IL1RAPL2: variants seen among roughly 807,000 people sequenced by gnomAD.
IL1RAPL2 encodes interleukin 1 receptor accessory protein like 2, also known as X-linked interleukin-1 receptor accessory protein-like 2.
In IL1RAPL2, 3 loss-of-function variants were observed where a neutral mutation model predicts 44.1. That is an observed-to-expected ratio of 0.07 (90% CI 0.03 to 0.18). IL1RAPL2 has a LOEUF of 0.18. Ranked by LOEUF, IL1RAPL2 falls within the 10% of genes least tolerant of loss-of-function variation. The pLI, the probability that IL1RAPL2 is intolerant of heterozygous loss-of-function variation, is 1.00. For synonymous variants in IL1RAPL2, 181 were observed against 178.8 expected (o/e 1.01, Z -0.10); for missense variants, 391 against 496.4 (o/e 0.79, Z 2.02).
At chrX:104,596,788 GGA>G (rs1236678173) in intron 1 of IL1RAPL2, among the ~76,000 whole-genome samples, 2 of 111,435 alleles carry the variant, frequency 1.8e-5, no homozygotes, top group East Asian at 5.7e-4. Flanking sequence ...TTTCCAGAAT[GGA>G]GAGAGACATT....
intron 2 of IL1RAPL2, among the ~76,000 whole-genome samples, chrX:104,930,874 TAAAC>T (rs1924881716): frequency 9.0e-6 from 1 of 111,139 alleles, no homozygotes; most frequent in Non-Finnish European, 1.9e-5. Context: ...TTAGAGAAAA[TAAAC>T]AGTCTTTAAA....
chrX:104,720,307 A>C (rs963131677), intron 2 of IL1RAPL2, among the ~76,000 whole-genome samples: 1 of 111,721 alleles, frequency 9.0e-6, no homozygotes, highest in Admixed American at 9.6e-5. Context: ...ATTCAGAGAG[A>C]TCCAAGATGA....
intron 1 of IL1RAPL2, among the ~76,000 whole-genome samples, chrX:104,612,785 G>A (rs748044338): frequency 7.2e-5 from 8 of 111,377 alleles, no homozygotes; most frequent in Non-Finnish European, 1.5e-4. Flanking sequence ...CTATTTTAAT[G>A]ATATTGATTC....
chrX:105,241,255 A>G (rs2034168771), intron 4 of IL1RAPL2, among the ~76,000 whole-genome samples: 1 of 111,245 alleles, frequency 9.0e-6, no homozygotes, highest in African/African-American at 3.3e-5. Context: ...TGTTTAAAAC[A>G]TTTGATATTA....
intron 2 of IL1RAPL2, among the ~76,000 whole-genome samples, chrX:104,895,871 G>A (rs1033958458): frequency 9.0e-5 from 10 of 111,664 alleles, no homozygotes; most frequent in East Asian, 2.9e-4. Context: ...TGTCTTCTGC[G>A]TCACTCACAC....
intron 4 of IL1RAPL2, among the ~76,000 whole-genome samples, chrX:105,235,282 C>T (rs191514468): frequency 8.9e-6 from 1 of 111,834 alleles, no homozygotes; most frequent in African/African-American, 3.3e-5. Flanking sequence ...CTGGGGCCCA[C>T]GGTCTTGTAA....
intron 2 of IL1RAPL2, among the ~76,000 whole-genome samples, chrX:105,174,834 A>G (rs1239158141): frequency 9.0e-6 from 1 of 111,449 alleles, no homozygotes; most frequent in Non-Finnish European, 1.9e-5. Context: ...ACACATGAGA[A>G]AGTGGGGAAC....
chrX:104,611,492 C>T (rs1338710621), intron 1 of IL1RAPL2, among the ~76,000 whole-genome samples: 2 of 110,877 alleles, frequency 1.8e-5, no homozygotes, highest in Non-Finnish European at 3.8e-5. Context: ...GGACGCCCCT[C>T]CCGTCTCCAA....
chrX:105,450,994 T>C (rs1266162343), intron 5 of IL1RAPL2, among the ~76,000 whole-genome samples: 1 of 108,925 alleles, frequency 9.2e-6, no homozygotes, highest in Non-Finnish European at 1.9e-5. Flanking sequence ...GAGGGTTTTT[T>C]CCCCCAGTGA....
chrX:104,644,444 C>G (rs992083897), intron 1 of IL1RAPL2, among the ~76,000 whole-genome samples: 2 of 111,759 alleles, frequency 1.8e-5, no homozygotes, highest in Non-Finnish European at 3.8e-5. Context: ...AAACACTTAC[C>G]TGCACCATCA....
chrX:104,909,888 G>A (rs889307382), intron 2 of IL1RAPL2, among the ~76,000 whole-genome samples: 1 of 112,410 alleles, frequency 8.9e-6, no homozygotes, highest in Admixed American at 9.3e-5. Flanking sequence ...CACCCAGTTC[G>A]AGCTTCCTGG....
chrX:105,628,203 T>C (rs1198590381), intron 6 of IL1RAPL2, among the ~76,000 whole-genome samples: 1 of 111,340 alleles, frequency 9.0e-6, no homozygotes, highest in Non-Finnish European at 1.9e-5. Context: ...ATACTTTAAG[T>C]TTTAGGGTAC....
intron 2 of IL1RAPL2, among the ~76,000 whole-genome samples, chrX:104,835,576 A>G (rs1217856406): frequency 9.0e-6 from 1 of 111,247 alleles, no homozygotes; most frequent in East Asian, 2.8e-4. Context: ...TTTTCCTAAT[A>G]CTCCCAGTTC....
chrX:105,363,763 T>G (rs937548911), intron 5 of IL1RAPL2, among the ~76,000 whole-genome samples: 1 of 110,781 alleles, frequency 9.0e-6, no homozygotes, highest in African/African-American at 3.3e-5. Flanking sequence ...AAATATATAT[T>G]TAGATCCTTT....
intron 7 of IL1RAPL2, among the ~76,000 whole-genome samples, chrX:105,738,030 A>C (rs2038464429): frequency 8.9e-6 from 1 of 111,820 alleles, no homozygotes; most frequent in Non-Finnish European, 1.9e-5. Context: ...TTGAGATTTT[A>C]GTATGAGAGA....
chrX:105,711,795 A>AC (rs772462097), intron 6 of IL1RAPL2, among the ~76,000 whole-genome samples: 4 of 112,072 alleles, frequency 3.6e-5, no homozygotes, highest in Middle Eastern at 9.3e-3. Context: ...GGACAGGCAT[A>AC]CAATAGACAT....
chrX:105,237,027 G>A (rs1556202459), intron 4 of IL1RAPL2, among the ~76,000 whole-genome samples: 1 of 110,585 alleles, frequency 9.0e-6, no homozygotes, highest in Non-Finnish European at 1.9e-5. Context: ...CCCAGTGTGT[G>A]ATGTCCACCT....
At chrX:105,260,202 C>T (rs1044515710) in intron 4 of IL1RAPL2, among the ~76,000 whole-genome samples, 1 of 111,441 alleles carries the variant, frequency 9.0e-6, no homozygotes, top group Non-Finnish European at 1.9e-5. Flanking sequence ...TGTTCTAGCC[C>T]CTGGTTGCCT....
intron 1 of IL1RAPL2, among the ~76,000 whole-genome samples, chrX:104,606,336 A>C (rs1186521260): frequency 8.9e-6 from 1 of 111,834 alleles, no homozygotes; most frequent in Non-Finnish European, 1.9e-5. Context: ...AATAAGAGCT[A>C]TTTATGACAA....
Sources: gnomAD v4.1 joint callset for allele counts (sites outside exome capture counted in the v4.1 genomes callset) on GRCh38, gnomAD v4.1.1 for gene constraint, MANE v1.5 for transcripts, NCBI Gene and HGNC (gene_info 2026-07-23, HGNC 2026-07-21) for gene names.